The following DRC11 variants were observed in gnomAD, a reference collection of about 807,000 sequenced individuals.
DRC11 encodes dynein regulatory complex subunit 11.
chr2:236,450,536 T>TCTA, the DRC11 span, among the ~76,000 whole-genome samples: 1 of 152,052 alleles, frequency 6.6e-6, no homozygotes, highest in East Asian at 1.9e-4. Flanking sequence ...GTCAGGATGG[T>TCTA]CTAGATCTCT....
At chr2:236,507,249 T>C in the DRC11 span, 1 of 1,613,822 alleles carries the variant, frequency 6.2e-7, no homozygotes, top group Non-Finnish European at 8.5e-7. Flanking sequence ...TGGGAGCCCA[T>C]CACTTACGCG....
At chr2:236,365,604 G>GGGAGGGGGCA in the DRC11 span, among the ~76,000 whole-genome samples, 2 of 152,262 alleles carry the variant, frequency 1.3e-5, no homozygotes, top group Non-Finnish European at 2.9e-5. This position sits in a 1 kb window ranked among gnomAD's most constrained non-coding sequence, Gnocchi z 7.4. Context: ...GCCTTGGGTT[G>GGGAGGGGGCA]GGAGGGGGCA....
the DRC11 span, among the ~76,000 whole-genome samples, chr2:236,440,883 T>C: frequency 6.6e-6 from 1 of 152,144 alleles, no homozygotes; most frequent in Non-Finnish European, 1.5e-5. Flanking sequence ...TGAATAAATA[T>C]GAAAGTGTGT....
chr2:236,395,897 T>C, the DRC11 span, among the ~76,000 whole-genome samples: 2 of 152,174 alleles, frequency 1.3e-5, no homozygotes, highest in Admixed American at 6.5e-5. Context: ...CAGGAAATAA[T>C]GTATTTAATA....
At chr2:236,427,317 T>C in the DRC11 span, among the ~76,000 whole-genome samples, 1 of 152,222 alleles carries the variant, frequency 6.6e-6, no homozygotes, top group Non-Finnish European at 1.5e-5. This position sits in a 1 kb window ranked among gnomAD's most constrained non-coding sequence, Gnocchi z 5.9. Context: ...TATTTATTTC[T>C]CTTCAATTTT....
chr2:236,377,074 C>G, the DRC11 span: 1 of 1,355,316 alleles, frequency 7.4e-7, no homozygotes, highest in Admixed American at 1.7e-5. This position sits in a 1 kb window ranked among gnomAD's most constrained non-coding sequence, Gnocchi z 4.9. Context: ...ACACGTGACA[C>G]ATACATGTAT....
the DRC11 span, among the ~76,000 whole-genome samples, chr2:236,357,887 A>C: frequency 1.2e-5 from 1 of 85,024 alleles, no homozygotes; most frequent in Non-Finnish European, 2.6e-5. Flanking sequence ...ATACTATATA[A>C]ATGTATTTAT....
At chr2:236,375,135 G>A in the DRC11 span, among the ~76,000 whole-genome samples, 10 of 152,182 alleles carry the variant, frequency 6.6e-5, no homozygotes, top group Non-Finnish European at 2.9e-5. The surrounding 1 kb of genome is among the most constrained non-coding windows in gnomAD (Gnocchi z 4.2). Flanking sequence ...CCCGTCTCCA[G>A]TACTGGGGAT....
the DRC11 span, among the ~76,000 whole-genome samples, chr2:236,499,709 C>T: frequency 4.6e-5 from 7 of 152,220 alleles, no homozygotes; most frequent in African/African-American, 7.2e-5. The surrounding 1 kb of genome is among the most constrained non-coding windows in gnomAD (Gnocchi z 4.7). Context: ...GGATTACAGA[C>T]GTGAACCACT....
chr2:236,355,804 G>A, the DRC11 span, among the ~76,000 whole-genome samples: 5 of 152,002 alleles, frequency 3.3e-5, no homozygotes, highest in Non-Finnish European at 7.4e-5. Flanking sequence ...GTCTTTGTCT[G>A]GGTTATTAAT....
the DRC11 span, among the ~76,000 whole-genome samples, chr2:236,322,229 CTTTTTTT>C: frequency 3.3e-4 from 33 of 98,544 alleles, no homozygotes; most frequent in African/African-American, 7.1e-4. Context: ...TTTCTTTCCT[CTTTTTTT>C]TTTTTTTTTT....
chr2:236,320,842 G>A, the DRC11 span, among the ~76,000 whole-genome samples: 21,033 of 96,470 alleles, frequency 0.22, 1,245 homozygotes, highest in East Asian at 0.29. Flanking sequence ...GTACCCCCCC[G>A]CCCCCCGCCA....
chr2:236,315,855 G>A, the DRC11 span, among the ~76,000 whole-genome samples: 2 of 152,076 alleles, frequency 1.3e-5, no homozygotes, highest in Non-Finnish European at 2.9e-5. The surrounding 1 kb of genome is among the most constrained non-coding windows in gnomAD (Gnocchi z 5.1). Context: ...GGAGGGCGGC[G>A]GGTTTGGGAG....
At chr2:236,390,647 T>A in the DRC11 span, among the ~76,000 whole-genome samples, 3 of 152,180 alleles carry the variant, frequency 2.0e-5, no homozygotes, top group Non-Finnish European at 4.4e-5. The surrounding 1 kb of genome is among the most constrained non-coding windows in gnomAD (Gnocchi z 5.9). Context: ...TTTTTGTGGG[T>A]GGGCCCACAA....
the DRC11 span, among the ~76,000 whole-genome samples, chr2:236,444,609 C>T: frequency 1.3e-5 from 2 of 152,198 alleles, no homozygotes; most frequent in Non-Finnish European, 2.9e-5. Flanking sequence ...CTCACTCCCC[C>T]AAGGTAGCCC....
At chr2:236,418,298 T>C in the DRC11 span, among the ~76,000 whole-genome samples, 4 of 152,178 alleles carry the variant, frequency 2.6e-5, no homozygotes, top group African/African-American at 9.7e-5. Context: ...CTCATTGTGG[T>C]TTTGATTTGC....
At chr2:236,379,930 G>A in the DRC11 span, among the ~76,000 whole-genome samples, 1 of 152,274 alleles carries the variant, frequency 6.6e-6, no homozygotes, top group Non-Finnish European at 1.5e-5. Context: ...AGCGACAGGT[G>A]TTGATCCATT....
the DRC11 span, among the ~76,000 whole-genome samples, chr2:236,406,872 A>G: frequency 6.6e-6 from 1 of 151,972 alleles, no homozygotes; most frequent in East Asian, 1.9e-4. This position sits in a 1 kb window ranked among gnomAD's most constrained non-coding sequence, Gnocchi z 4.7. Context: ...CAGCCTCCCA[A>G]GTAGCTGGGA....
the DRC11 span, chr2:236,331,409 C>T: frequency 1.6e-5 from 26 of 1,613,846 alleles, no homozygotes; most frequent in Non-Finnish European, 2.2e-5. This position sits in a 1 kb window ranked among gnomAD's most constrained non-coding sequence, Gnocchi z 4.8. Flanking sequence ...CTGGTTATCG[C>T]CGTAATAAAC....
Sources: allele counts gnomAD v4.1 joint callset (sites outside exome capture counted in the v4.1 genomes callset), GRCh38; gene constraint gnomAD v4.1.1; non-coding constraint Gnocchi (gnomAD v3.1); transcripts MANE v1.5; gene names NCBI Gene and HGNC (gene_info 2026-07-23, HGNC 2026-07-21).